Variants in KIRREL3 observed in about 807,000 individuals in gnomAD.
The protein encoded by KIRREL3 is kirre like nephrin family adhesion molecule 3.
KIRREL3 carries 36 observed loss-of-function variants against 89.7 expected under a neutral mutation model. That is an observed-to-expected ratio of 0.40 (90% CI 0.31 to 0.53). The LOEUF (loss-of-function observed/expected upper bound fraction) is 0.53. Among genes scored for constraint, KIRREL3 ranks in the 20% least tolerant of loss-of-function variants. The pLI is 0.49. For synonymous variants in KIRREL3, 445 were observed against 441.4 expected (o/e 1.01, Z -0.10); for missense variants, 864 against 1,056.6 (o/e 0.82, Z 2.53).
chr11:126,891,461 G>T lies in KIRREL3; in HGVS notation c.55+108994C>A, dbSNP rs928837022. Among the ~76,000 whole-genome samples, 1 of 152,224 alleles carries T rather than the reference G, an allele frequency of 6.6e-6. No homozygotes were observed. Among genetic ancestry groups the T allele is most frequent in the Non-Finnish European group, 1.5e-5 (1 of 68,046 alleles). ...AAGAGGAGGCAAGAGGTGAGCCCATGTCCTACTAAATGCCTGCAAAGTGGC... is the reference window on the plus strand; with the variant it reads ...AAGAGGAGGCAAGAGGTGAGCCCATTTCCTACTAAATGCCTGCAAAGTGGC... On this transcript the variant is annotated intron_variant, in intron 1 of 16. Transcript: ENST00000525144. This position sits in a 1 kb window ranked among gnomAD's most constrained non-coding sequence, Gnocchi z 5.1.
intron 1 of KIRREL3, among the ~76,000 whole-genome samples, chr11:126,984,549 G>A (rs996642208): frequency 6.6e-6 from 1 of 152,192 alleles, no homozygotes; most frequent in Non-Finnish European, 1.5e-5. Flanking sequence ...CTGCTGCCAG[G>A]TGCTAAGTCC....
rs1229453349 is a variant in KIRREL3 at position 126,783,916 on chromosome 11, T to C, written c.55+216539A>G. Among the ~76,000 whole-genome samples the C allele has an allele frequency of 6.6e-6, 1 of 152,204 alleles. No individual in the cohort carries two copies. Among genetic ancestry groups the C allele is most frequent in the Admixed American group, 6.5e-5 (1 of 15,278 alleles). On this transcript the variant is annotated intron_variant, in intron 1 of 16. Coordinates refer to ENST00000525144, the MANE Select transcript of KIRREL3 (RefSeq NM_032531.4). This position sits in a 1 kb window ranked among gnomAD's most constrained non-coding sequence, Gnocchi z 4.3. ...CAGCAACAGTGATGTGCCATGTTGA[T>C]AGCACACACCCTTGATAGGATACGA...
intron 1 of KIRREL3, among the ~76,000 whole-genome samples, chr11:126,851,716 A>C (rs1434387364): frequency 1.3e-5 from 2 of 152,006 alleles, no homozygotes; most frequent in Non-Finnish European, 2.9e-5. Flanking sequence ...CAAATTGTGG[A>C]CTCAGGCTTC....
At position 126,682,303 on chromosome 11, in the gene KIRREL3, G is replaced by A. The variant is rs1946493452; in HGVS notation, c.56-119391C>T. ...GTCGCCCTCTCTTCCTTCTAGGTTA[G>A]AGTGGGTGACACTGAGCATGTAACT... On this transcript the variant is annotated intron_variant, in intron 1 of 16. Coordinates refer to ENST00000525144, the MANE Select transcript of KIRREL3 (RefSeq NM_032531.4). This position sits in a 1 kb window ranked among gnomAD's most constrained non-coding sequence, Gnocchi z 4.8. Among the ~76,000 whole-genome samples the A allele has an allele frequency of 6.6e-6, 1 of 152,114 alleles. No homozygotes were observed. The highest frequency in any genetic ancestry group is 2.1e-4 in the South Asian group (1 of 4,812).
intron 1 of KIRREL3, among the ~76,000 whole-genome samples, chr11:126,746,422 G>A (rs1047772644): frequency 3.3e-5 from 5 of 152,162 alleles, no homozygotes; most frequent in Non-Finnish European, 7.4e-5. Flanking sequence ...GCAATACATT[G>A]AGACTCCCTA....
At chr11:126,827,775 TGGGAA>T (rs1943467859) in intron 1 of KIRREL3, among the ~76,000 whole-genome samples, 1 of 152,160 alleles carries the variant, frequency 6.6e-6, no homozygotes, top group Admixed American at 6.5e-5. Flanking sequence ...GTTCCAGGTA[TGGGAA>T]GGAGATCTTC....
intron 1 of KIRREL3, among the ~76,000 whole-genome samples, chr11:126,986,130 C>A (rs759679093): frequency 6.6e-5 from 10 of 152,118 alleles, no homozygotes; most frequent in Non-Finnish European, 1.3e-4. Flanking sequence ...GATGAGGGGG[C>A]CTTTAAATCT....
chr11:126,680,426 A>G (rs1443964938), intron 1 of KIRREL3, among the ~76,000 whole-genome samples: 13 of 152,044 alleles, frequency 8.6e-5, no homozygotes, highest in Admixed American at 8.5e-4. Context: ...ACACATAGCC[A>G]GCAGCCAACA....
chr11:126,535,181 A>C lies in KIRREL3; in HGVS notation c.134-8494T>G, dbSNP rs991811620. Among the ~76,000 whole-genome samples the C allele has an allele frequency of 1.3e-5, 2 of 152,012 alleles. No homozygotes were observed. Among genetic ancestry groups the C allele is most frequent in the Admixed American group, 1.3e-4 (2 of 15,266 alleles). On this transcript the variant is annotated intron_variant, in intron 2 of 16. Coordinates refer to ENST00000525144, the MANE Select transcript of KIRREL3 (RefSeq NM_032531.4). This position sits in a 1 kb window ranked among gnomAD's most constrained non-coding sequence, Gnocchi z 4.5. ...CCCAGTTGTTTCCCCACCCTCCTCC[A>C]TCGGGACTCCTCCTGACTGCTCTTC...
In KIRREL3 at chr11:126,622,718, A is replaced by G. The variant is rs1434104514; in HGVS notation, c.56-59806T>C. Among the ~76,000 whole-genome samples, 1 of 152,182 alleles carries G rather than the reference A, an allele frequency of 6.6e-6. No individual in the cohort carries two copies. The highest frequency in any genetic ancestry group is 2.4e-5 in the African/African-American group (1 of 41,436). On this transcript the variant is annotated intron_variant, in intron 1 of 16. Transcript: ENST00000525144. This position sits in a 1 kb window ranked among gnomAD's most constrained non-coding sequence, Gnocchi z 5.2. The stretch of plus-strand genomic sequence containing the variant: ...AAACAAAAAAACAAATAAAAACTCC[A>G]CAAAACTTCAGTGGAGACTAGATTC...
chr11:126,778,975 G>A lies in KIRREL3; in HGVS notation c.56-216063C>T, dbSNP rs914511021. On this transcript the variant is annotated intron_variant, in intron 1 of 16. Transcript: ENST00000525144. This position sits in a 1 kb window ranked among gnomAD's most constrained non-coding sequence, Gnocchi z 4.5. ...TGTAAGAGCACCTAGCGCGGAACTT[G>A]GAACACAGCAGAAACTCAACAAATG... Among the ~76,000 whole-genome samples the A allele has an allele frequency of 6.6e-6, 1 of 152,176 alleles. No homozygotes were observed. The highest frequency in any genetic ancestry group is 1.5e-5 in the Non-Finnish European group (1 of 68,030).
At chr11:126,580,230 A>G (rs1445300184) in intron 1 of KIRREL3, among the ~76,000 whole-genome samples, 3 of 152,338 alleles carry the variant, frequency 2.0e-5, no homozygotes, top group African/African-American at 7.2e-5. Context: ...GAGGCCAGTT[A>G]CGGGGCACAG....
chr11:126,896,288 G>T lies in KIRREL3; in HGVS notation c.55+104167C>A, dbSNP rs1344085974. Among the ~76,000 whole-genome samples the T allele has an allele frequency of 6.6e-6, 1 of 152,190 alleles. No individual in the cohort carries two copies. The highest frequency in any genetic ancestry group is 2.4e-5 in the African/African-American group (1 of 41,452). On this transcript the variant is annotated intron_variant, in intron 1 of 16. Transcript: ENST00000525144. This position sits in a 1 kb window ranked among gnomAD's most constrained non-coding sequence, Gnocchi z 4.1. ...CCTATACCATCCAAGACAGAACTCT[G>T]CTAGTCTGCAAGGATGAACATGGTC...
chr11:126,758,593 C>G (rs1474122313), intron 1 of KIRREL3, among the ~76,000 whole-genome samples: 1 of 152,292 alleles, frequency 6.6e-6, no homozygotes, highest in Non-Finnish European at 1.5e-5. Flanking sequence ...TGCTAATCAC[C>G]TTTTCAAGGT....
chr11:126,534,076 G>A (rs1456732814), intron 2 of KIRREL3, among the ~76,000 whole-genome samples: 1 of 152,162 alleles, frequency 6.6e-6, no homozygotes, highest in Non-Finnish European at 1.5e-5. Context: ...CTAAAGACAA[G>A]GATGTACTCT....
intron 1 of KIRREL3, among the ~76,000 whole-genome samples, chr11:126,672,933 T>A (rs1425062996): frequency 6.6e-6 from 1 of 152,236 alleles, no homozygotes; most frequent in African/African-American, 2.4e-5. Context: ...CTTAAGCCGG[T>A]TTTCAGTAAT....
chr11:126,758,901 A>T (rs1050004210), intron 1 of KIRREL3, among the ~76,000 whole-genome samples: 2 of 152,122 alleles, frequency 1.3e-5, no homozygotes, highest in African/African-American at 2.4e-5. Context: ...GACCTCTTGG[A>T]ATTAGATGTT....
chr11:126,558,849 T>G lies in KIRREL3; in HGVS notation c.133+3986A>C, dbSNP rs1395918495. On this transcript the variant is annotated intron_variant, in intron 2 of 16. Transcript: ENST00000525144. The surrounding 1 kb of genome is among the most constrained non-coding windows in gnomAD (Gnocchi z 4.0). The stretch of plus-strand genomic sequence containing the variant: ...GCACACATGTGGGTGTATGTGTGCA[T>G]GTGTATACATGTGTGCAGGTGTGTG... 6.6e-6 allele frequency among the ~76,000 whole-genome samples: 1 copy of G among 152,126 alleles called. No individual in the cohort carries two copies. Among genetic ancestry groups the G allele is most frequent in the African/African-American group, 2.4e-5 (1 of 41,422 alleles).
chr11:126,922,899 C>T (rs1325654909), intron 1 of KIRREL3, among the ~76,000 whole-genome samples: 1 of 152,226 alleles, frequency 6.6e-6, no homozygotes, highest in Non-Finnish European at 1.5e-5. Context: ...TACCCTCTTC[C>T]CAGATGGTTC....
Sources: allele counts gnomAD v4.1 joint callset (sites outside exome capture counted in the v4.1 genomes callset), GRCh38; gene constraint gnomAD v4.1.1; non-coding constraint Gnocchi (gnomAD v3.1); transcripts MANE v1.5; gene names NCBI Gene and HGNC (gene_info 2026-07-23, HGNC 2026-07-21).